Variants in AGO3 observed in about 807,000 individuals in gnomAD.
AGO3 encodes the protein argonaute RISC catalytic component 3, also known as protein argonaute-3.
Under a neutral mutation model 105.5 loss-of-function variants are expected in AGO3, and 16 were observed. That is an observed-to-expected ratio of 0.15 (90% confidence interval 0.10 to 0.23). The LOEUF (loss-of-function observed/expected upper bound fraction) is 0.23. Ranked by LOEUF, AGO3 falls within the 10% of genes least tolerant of loss-of-function variation. The pLI is 1.00. For synonymous variants in AGO3, 340 were observed against 367.3 expected, an observed-to-expected ratio of 0.93 and a Z score of 0.85; for missense variants, 534 against 1,088.0, an observed-to-expected ratio of 0.49 and a Z score of 7.16.
At chr1:36,048,127 G>C (rs1201241961) in intron 17 of AGO3, among the ~76,000 whole-genome samples, 1 of 151,974 alleles carries the variant, frequency 6.6e-6, no homozygotes, top group East Asian at 1.9e-4. Context: ...GGCCTGGAGA[G>C]ATTGAGATGA....
chr1:36,044,390 T>G (rs1326674366), intron 17 of AGO3, among the ~76,000 whole-genome samples: 5 of 151,820 alleles, frequency 3.3e-5, no homozygotes, highest in South Asian at 2.1e-4. Flanking sequence ...CAGCTTTAGT[T>G]TTTTTTTGTT....
At position 36,013,938 on chromosome 1, in the gene AGO3, C is replaced by T; in HGVS notation, c.1296C>T (p.Ser432=). The T allele has an allele frequency of 6.2e-7, 1 of 1,612,574 alleles. No homozygotes were observed. Among genetic ancestry groups the T allele is most frequent in the South Asian group, 1.1e-5 (1 of 90,986 alleles). ...GGRNRTVATP[S]HGVWDMRGKQ... ...AGAATCGGACAGTAGCAACACCGAG[C>T]CATGGAGTATGGGACATGCGAGGGA... The change falls in exon 11 of 19, where the codon AGC becomes AGT. Residue 432 remains serine (S), a synonymous_variant. Transcript: ENST00000373191.
intron 11 of AGO3, among the ~76,000 whole-genome samples, chr1:36,017,865 T>C (rs1221390537): frequency 6.7e-6 from 1 of 149,708 alleles, no homozygotes. Flanking sequence ...ATCACGCCAC[T>C]GCATCCCAGC....
At chr1:35,954,763 T>C (rs1448142279) in intron 2 of AGO3, among the ~76,000 whole-genome samples, 1 of 152,240 alleles carries the variant, frequency 6.6e-6, no homozygotes, top group African/African-American at 2.4e-5. Context: ...TGTACTGTGA[T>C]GAAAGAGTAA....
At chr1:35,982,734 A>C in intron 5 of AGO3, 1 of 699,286 alleles carries the variant, frequency 1.4e-6, no homozygotes, top group South Asian at 1.6e-5. Flanking sequence ...TGATGGTCTA[A>C]TGTGGGATGG....
At chr1:35,985,946 T>G (rs1258713734) in intron 5 of AGO3, among the ~76,000 whole-genome samples, 2 of 152,224 alleles carry the variant, frequency 1.3e-5, no homozygotes, top group Non-Finnish European at 2.9e-5. Flanking sequence ...GAAAAGATTC[T>G]CATTCATTAA....
intron 5 of AGO3, among the ~76,000 whole-genome samples, chr1:35,991,156 T>C (rs1267772976): frequency 6.6e-6 from 1 of 151,926 alleles, no homozygotes; most frequent in Non-Finnish European, 1.5e-5. Context: ...TACAAAAAAT[T>C]AGCCGGGCAT....
intron 5 of AGO3, chr1:35,982,793 A>G (rs1485673356): frequency 8.6e-6 from 5 of 583,910 alleles, no homozygotes; most frequent in Admixed American, 3.2e-5. Context: ...ATGTCCAGAA[A>G]AAAAAAACTT....
intron 9 of AGO3, among the ~76,000 whole-genome samples, chr1:36,011,764 T>G (rs1266402116): frequency 6.6e-6 from 1 of 152,220 alleles, no homozygotes; most frequent in Non-Finnish European, 1.5e-5. Context: ...TCACATTCTG[T>G]CTACATCACT....
chr1:36,005,507 T>G (rs1478262075), intron 6 of AGO3, among the ~76,000 whole-genome samples: 1 of 152,232 alleles, frequency 6.6e-6, no homozygotes, highest in African/African-American at 2.4e-5. Context: ...GTAACTGTTT[T>G]GCAACCATAC....
chr1:35,961,439 A>G (rs1287998131), intron 2 of AGO3, among the ~76,000 whole-genome samples: 1 of 152,128 alleles, frequency 6.6e-6, no homozygotes, highest in Admixed American at 6.5e-5. Flanking sequence ...GTGGTTAGAA[A>G]ATCCTGAAAA....
At position 36,064,013 on chromosome 1, in the gene AGO3, T is replaced by G. The variant is rs1643055854; in HGVS notation, c.*8268T>G. On this transcript the variant is annotated 3_prime_UTR_variant, in exon 19 of 19. Coordinates refer to ENST00000373191, the MANE Select transcript of AGO3 (RefSeq NM_024852.4). ...CTCCCACATCAGCCTCCCAAAGTGC[T>G]GGGATTACAGCCATGAGCCACTGCA... 1 of 152,316 alleles carries G rather than the reference T, an allele frequency of 6.6e-6. No homozygotes were observed. The allele number at this position is 152,316 out of a possible 1,614,324, so 9.4% of individuals were successfully genotyped here.
At chr1:35,932,144 G>C (rs777199502) in intron 1 of AGO3, among the ~76,000 whole-genome samples, 1 of 152,160 alleles carries the variant, frequency 6.6e-6, no homozygotes, top group Non-Finnish European at 1.5e-5. Context: ...CTGGGGGCAA[G>C]AGCAGCAGTT....
At chr1:35,977,831 A>G (rs1371978454) in intron 5 of AGO3, among the ~76,000 whole-genome samples, 1 of 152,054 alleles carries the variant, frequency 6.6e-6, no homozygotes, top group Non-Finnish European at 1.5e-5. Flanking sequence ...ATCTTTTTCA[A>G]GCTTTCAACA....
intron 5 of AGO3, chr1:35,983,304 G>A (rs1647089912): frequency 6.6e-6 from 1 of 151,248 alleles, no homozygotes; most frequent in Admixed American, 6.6e-5. Flanking sequence ...TGCCATGATG[G>A]CTTACACTTG....
In AGO3 at chr1:36,067,283, G is replaced by T. The variant is rs1026533790; in HGVS notation, c.*11538G>T. The T allele has an allele frequency of 1.3e-5, 2 of 152,186 alleles. No homozygotes were observed. The highest frequency in any genetic ancestry group is 2.9e-5 in the Non-Finnish European group (2 of 68,050). 9.4% of individuals were successfully genotyped at this position (152,186 alleles called of 1,614,324 possible). ...AGTTCATGGATACAGTTTGATCCCA[G>T]GGAGTTTAACAAAAGGAAGCTTTGG... On this transcript the variant is annotated 3_prime_UTR_variant, in exon 19 of 19. Coordinates refer to ENST00000373191, the MANE Select transcript of AGO3 (RefSeq NM_024852.4).
chr1:35,942,288 T>A (rs1646270204), intron 1 of AGO3, among the ~76,000 whole-genome samples: 1 of 152,254 alleles, frequency 6.6e-6, no homozygotes, highest in Non-Finnish European at 1.5e-5. Flanking sequence ...TTGGATTTAA[T>A]TTAACATTTT....
chr1:35,962,916 A>G (rs1646704813), intron 2 of AGO3, among the ~76,000 whole-genome samples: 1 of 152,236 alleles, frequency 6.6e-6, no homozygotes, highest in South Asian at 2.1e-4. Context: ...TCTCAAATTC[A>G]TTAGTAATAA....
intron 13 of AGO3, among the ~76,000 whole-genome samples, chr1:36,035,636 A>C (rs534836430): frequency 6.6e-6 from 1 of 152,314 alleles, no homozygotes; most frequent in South Asian, 2.1e-4. Flanking sequence ...AAGGAAGTTT[A>C]TAATTTTGTG....
Sources: gnomAD v4.1 joint callset for allele counts (sites outside exome capture counted in the v4.1 genomes callset) on GRCh38, gnomAD v4.1.1 for gene constraint, MANE v1.5 for transcripts, NCBI Gene and HGNC (gene_info 2026-07-23, HGNC 2026-07-21) for gene names.